Variants in NUS1 observed in about 807,000 individuals in gnomAD.
NUS1 encodes the protein dehydrodolichyl diphosphate synthase complex subunit NUS1.
For synonymous variants in NUS1, 135 were observed against 155.2 expected (o/e 0.87, Z 0.97); for missense variants, 292 against 382.9 (o/e 0.76, Z 1.98).
chr6:117,700,349 CAAAAG>C (rs1285167927), intron 3 of NUS1, among the ~76,000 whole-genome samples: 1 of 152,144 alleles, frequency 6.6e-6, no homozygotes, highest in Non-Finnish European at 1.5e-5. Flanking sequence ...AGATATTTCT[CAAAAG>C]AATACATACA....
At chr6:117,691,585 A>ATATATATATAT in intron 1 of NUS1, among the ~76,000 whole-genome samples, 1 of 137,878 alleles carries the variant, frequency 7.3e-6, no homozygotes, top group Non-Finnish European at 1.6e-5. Context: ...ATATATATAT[A>ATATATATATAT]TAGTTCAAAA....
At chr6:117,700,206 A>G (rs1048618288) in intron 3 of NUS1, among the ~76,000 whole-genome samples, 2 of 152,180 alleles carry the variant, frequency 1.3e-5, no homozygotes, top group Non-Finnish European at 2.9e-5. Flanking sequence ...TGAAAAGACA[A>G]CACAGAATGG....
intron 4 of NUS1, 37 bp from the exon 5 acceptor site, chr6:117,706,888 A>G (rs1335566780): frequency 6.6e-7 from 1 of 1,523,922 alleles, no homozygotes; most frequent in Admixed American, 1.7e-5. Flanking sequence ...TACAGTGTAT[A>G]TCTAATTGCT....
intron 1 of NUS1, 31 bp downstream of exon 1, chr6:117,676,116 C>T: frequency 6.5e-7 from 1 of 1,549,962 alleles, no homozygotes; most frequent in Non-Finnish European, 8.7e-7. Flanking sequence ...GGGGGGTGGC[C>T]GAGGCGTCTT....
intron 1 of NUS1, among the ~76,000 whole-genome samples, chr6:117,691,307 C>G (rs1449115392): frequency 6.6e-6 from 1 of 151,976 alleles, no homozygotes; most frequent in Non-Finnish European, 1.5e-5. Flanking sequence ...CCAATTTTTT[C>G]ATATCCTTTG....
At chr6:117,680,394 C>T (rs73766268) in intron 1 of NUS1, among the ~76,000 whole-genome samples, 1,597 of 152,256 alleles carry the variant, frequency 0.01, 30 homozygotes, top group African/African-American at 0.037. Context: ...ACACTTGGCT[C>T]CAAGTTATCT....
chr6:117,702,452 T>A (rs1271936703), intron 3 of NUS1, among the ~76,000 whole-genome samples: 3 of 152,224 alleles, frequency 2.0e-5, no homozygotes, highest in Non-Finnish European at 4.4e-5. Flanking sequence ...TTGCCATTCT[T>A]ACTGAAAGCT....
rs1269228552 is a variant in NUS1, at chr6:117,703,714, TA to T, written c.791+14del. On this transcript the variant is annotated intron_variant, in intron 4 of 4. Transcript: ENST00000368494. ...GATTGACTGAGATTGTGTAAGTAAT[TA>T]AAAGCGTACTGACTTTGTTTAGATT... is the stretch of plus-strand genomic sequence containing the variant. 6.3e-7 allele frequency: 1 copy of T among 1,579,402 alleles called. No homozygotes were observed. The highest frequency in any genetic ancestry group is 1.3e-5 in the African/African-American group (1 of 74,256).
intron 3 of NUS1, 41 bp from the exon 4 acceptor site, chr6:117,703,564 G>A: frequency 1.5e-6 from 2 of 1,327,212 alleles, no homozygotes; most frequent in Non-Finnish European, 2.2e-6. Flanking sequence ...GTGTGCACAT[G>A]CAGTGCATGT....
chr6:117,699,442 GATCTCTAC>G (rs1327162102), intron 3 of NUS1, among the ~76,000 whole-genome samples: 1 of 152,112 alleles, frequency 6.6e-6, no homozygotes, highest in Non-Finnish European at 1.5e-5. Context: ...AGAAGTGAAA[GATCTCTAC>G]AATGAATACT....
At chr6:117,695,289 G>C (rs906390407) in intron 3 of NUS1, among the ~76,000 whole-genome samples, 3 of 143,318 alleles carry the variant, frequency 2.1e-5, no homozygotes, top group African/African-American at 7.8e-5. Flanking sequence ...CTTCCACTTT[G>C]ACATGTGTCC....
rs921471368 is a variant in NUS1 at position 117,709,717 on chromosome 6, GT to G, written c.*2707del. ...AATATGTAAATAATGTGTAAAGCCA[GT>G]TTTTATGATTAAGGAATCAAATTTA... On this transcript the variant is annotated 3_prime_UTR_variant, in exon 5 of 5. Coordinates refer to ENST00000368494, the MANE Select transcript of NUS1 (RefSeq NM_138459.5). 9.8e-5 allele frequency: 15 copies of G among 152,644 alleles called. No homozygotes were observed. Among genetic ancestry groups the G allele is most frequent in the African/African-American group, 3.6e-4 (15 of 41,540 alleles). The allele number at this position is 152,644 out of a possible 1,614,324, so 9.5% of individuals were successfully genotyped here.
chr6:117,698,536 T>C, intron 3 of NUS1, among the ~76,000 whole-genome samples: 1 of 152,004 alleles, frequency 6.6e-6, no homozygotes, highest in East Asian at 1.9e-4. Flanking sequence ...TGAAAAGTCT[T>C]AGAGCAGTGG....
Position 117,703,641 on chromosome 6 carries a change from A to G in NUS1, c.728A>G (p.Lys243Arg). 1.2e-6 allele frequency: 2 copies of G among 1,613,890 alleles called. No individual in the cohort carries two copies. The highest frequency in any genetic ancestry group is 1.7e-6 in the Non-Finnish European group (2 of 1,179,802). The change falls in exon 4 of 5, where the codon AAG (lysine) becomes AGG (arginine). Residue 243 changes from lysine (K) to arginine (R), a missense_variant. Coordinates refer to ENST00000368494, the MANE Select transcript of NUS1 (RefSeq NM_138459.5). ...NGCPDPDLVL[K>R]FGPVDSTLGF... is the part of the protein sequence containing the mutation. ...TGTCCTGATCCTGATTTAGTATTGAAGTTCGGTCCTGTGGACAGCACATTA... is the reference window on the plus strand; with the variant it reads ...TGTCCTGATCCTGATTTAGTATTGAGGTTCGGTCCTGTGGACAGCACATTA...
At chr6:117,676,687 A>C (rs573101428) in intron 1 of NUS1, among the ~76,000 whole-genome samples, 17 of 152,378 alleles carry the variant, frequency 1.1e-4, no homozygotes, top group African/African-American at 4.1e-4. Flanking sequence ...AAAAACATTA[A>C]CTGATTTGCC....
At chr6:117,691,383 C>T (rs975980271) in intron 1 of NUS1, among the ~76,000 whole-genome samples, 2 of 151,496 alleles carry the variant, frequency 1.3e-5, no homozygotes, top group African/African-American at 4.9e-5. Context: ...CATTTTTTCC[C>T]ACCTGATATC....
chr6:117,703,407 A>G, intron 3 of NUS1, among the ~76,000 whole-genome samples, 198 bp from the exon 4 acceptor site: 1 of 152,214 alleles, frequency 6.6e-6, no homozygotes, highest in Non-Finnish European at 1.5e-5. Flanking sequence ...CACATTTGGA[A>G]TGAGCATAGA....
chr6:117,701,708 A>G (rs1165480827), intron 3 of NUS1, among the ~76,000 whole-genome samples: 1 of 152,016 alleles, frequency 6.6e-6, no homozygotes, highest in Non-Finnish European at 1.5e-5. Context: ...TTGTTTCTTA[A>G]TATTGATTTT....
intron 3 of NUS1, among the ~76,000 whole-genome samples, chr6:117,703,269 G>C (rs1368309439): frequency 6.6e-6 from 1 of 152,166 alleles, no homozygotes; most frequent in East Asian, 1.9e-4. Context: ...GATTCCAAGA[G>C]AACACCTACA....
Sources: gnomAD v4.1 joint callset for allele counts (sites outside exome capture counted in the v4.1 genomes callset) on GRCh38, gnomAD v4.1.1 for gene constraint, MANE v1.5 for transcripts, NCBI Gene and HGNC (gene_info 2026-07-23, HGNC 2026-07-21) for gene names.